Variants in SDHC observed in about 807,000 individuals in gnomAD.
The protein encoded by SDHC is succinate dehydrogenase cytochrome b560 subunit, mitochondrial.
A neutral mutation model predicts 22.6 loss-of-function variants in SDHC; 11 were observed. That is an observed-to-expected ratio of 0.49 (90% CI 0.31 to 0.81). The LOEUF (loss-of-function observed/expected upper bound fraction) is 0.81. Among genes scored for constraint, SDHC ranks in the 30% least tolerant of loss-of-function variants. The probability of loss-of-function intolerance (pLI) is 0.05; values close to 1 mark genes in which losing one functional copy is unlikely to be tolerated. For missense variants in SDHC, 160 were observed against 212.0 expected (o/e 0.75, Z 1.52); for synonymous variants, 80 against 77.8 (o/e 1.03, Z -0.15).
At chr1:161,360,004 A>G (rs892558985) in intron 5 of SDHC, among the ~76,000 whole-genome samples, 2 of 150,566 alleles carry the variant, frequency 1.3e-5, no homozygotes, top group Admixed American at 6.6e-5. Context: ...TTGAGGGTTG[A>G]GGTGGAGGCA....
At chr1:161,339,358 T>C (rs1223153150) in intron 3 of SDHC, among the ~76,000 whole-genome samples, 1 of 150,928 alleles carries the variant, frequency 6.6e-6, no homozygotes, top group African/African-American at 2.4e-5. Flanking sequence ...AATTTTTTTT[T>C]TTTTTTTCGT....
intron 2 of SDHC, among the ~76,000 whole-genome samples, 158 bp downstream of exon 2, chr1:161,323,828 T>C (rs979590340): frequency 6.6e-6 from 1 of 152,106 alleles, no homozygotes; most frequent in Non-Finnish European, 1.5e-5. Flanking sequence ...CCTGAGTAGC[T>C]GGGACTACAG....
chr1:161,347,798 G>A (rs1030345756), intron 4 of SDHC, among the ~76,000 whole-genome samples: 8 of 151,914 alleles, frequency 5.3e-5, no homozygotes, highest in South Asian at 2.1e-4. Context: ...CCCAGGAGGC[G>A]GAGGTTGCAG....
chr1:161,316,658 T>C (rs1465901010), intron 1 of SDHC, among the ~76,000 whole-genome samples: 1 of 152,222 alleles, frequency 6.6e-6, no homozygotes, highest in Admixed American at 6.5e-5. Context: ...AGTGGTAATC[T>C]GAAGCTCTCG....
chr1:161,325,517 A>G (rs1671018589), intron 2 of SDHC, among the ~76,000 whole-genome samples: 1 of 152,036 alleles, frequency 6.6e-6, no homozygotes, highest in Non-Finnish European at 1.5e-5. Context: ...CCTTCTCTAC[A>G]AAAAATACAA....
intron 1 of SDHC, among the ~76,000 whole-genome samples, chr1:161,316,680 C>T (rs961457182): frequency 1.3e-5 from 2 of 152,100 alleles, no homozygotes; most frequent in African/African-American, 4.8e-5. Flanking sequence ...GGAAAGGACA[C>T]CTCCATTTCT....
chr1:161,340,728 C>G, intron 4 of SDHC, 73 bp downstream of exon 4: 3 of 1,162,146 alleles, frequency 2.6e-6, no homozygotes, highest in Non-Finnish European at 3.9e-6. Context: ...GCCCTAGTCT[C>G]CGCCTCCTTT....
At chr1:161,316,566 G>A (rs1330595214) in intron 1 of SDHC, among the ~76,000 whole-genome samples, 1 of 152,146 alleles carries the variant, frequency 6.6e-6, no homozygotes, top group Non-Finnish European at 1.5e-5. Flanking sequence ...TTTCTATACG[G>A]ACACCTTAAC....
intron 3 of SDHC, among the ~76,000 whole-genome samples, chr1:161,333,232 A>G (rs1390623598): frequency 1.3e-5 from 2 of 152,078 alleles, no homozygotes; most frequent in African/African-American, 4.8e-5. Flanking sequence ...TTATTTACCC[A>G]TTTATAAATT....
chr1:161,349,136 A>G (rs1672011535), intron 4 of SDHC, among the ~76,000 whole-genome samples: 1 of 152,188 alleles, frequency 6.6e-6, no homozygotes. Context: ...TTGAATGGAT[A>G]TAAGAATGGT....
At chr1:161,328,671 T>A (rs918983325) in intron 3 of SDHC, among the ~76,000 whole-genome samples, 174 bp downstream of exon 3, 2 of 152,220 alleles carry the variant, frequency 1.3e-5, no homozygotes, top group Non-Finnish European at 2.9e-5. Flanking sequence ...CTTACACCTT[T>A]TTTATGTGGA....
chr1:161,328,256 C>T lies in SDHC; in HGVS notation c.78-140C>T, dbSNP rs1671138409. Reference sequence around the variant, plus strand: ...ACCTCAGGTGATCCGCCCGCCTCGGCCTCCCAAAGAGCTGAGATTACAGGC... The same window carrying T: ...ACCTCAGGTGATCCGCCCGCCTCGGTCTCCCAAAGAGCTGAGATTACAGGC... On this transcript the variant is annotated intron_variant, in intron 2 of 5. Transcript: ENST00000367975. 4 of 714,960 alleles carry T rather than the reference C, an allele frequency of 5.6e-6. No homozygotes were observed. In the South Asian group the frequency reaches 5.8e-5, roughly 10 times the overall value. 44.3% of individuals were successfully genotyped at this position (714,960 alleles called of 1,614,324 possible).
At chr1:161,324,849 T>C (rs979460901) in intron 2 of SDHC, among the ~76,000 whole-genome samples, 2 of 152,228 alleles carry the variant, frequency 1.3e-5, no homozygotes, top group Non-Finnish European at 2.9e-5. Flanking sequence ...TGATGAACTC[T>C]TATCTGATAC....
intron 1 of SDHC, among the ~76,000 whole-genome samples, chr1:161,318,118 G>A (rs145887035): frequency 0.019 from 2,833 of 151,828 alleles, 98 homozygotes; most frequent in African/African-American, 0.065. Context: ...GTTGCAGTGA[G>A]CTGAGATCAT....
At chr1:161,354,333 T>C (rs1188647208) in intron 4 of SDHC, among the ~76,000 whole-genome samples, 1 of 152,198 alleles carries the variant, frequency 6.6e-6, no homozygotes, top group Non-Finnish European at 1.5e-5. Context: ...AAATCTAACA[T>C]CTAATGTTGA....
intron 3 of SDHC, among the ~76,000 whole-genome samples, chr1:161,329,172 C>G (rs749927684): frequency 6.6e-6 from 1 of 152,108 alleles, no homozygotes; most frequent in Non-Finnish European, 1.5e-5. Flanking sequence ...TCCCAAAGTG[C>G]TGGGATTACA....
intron 4 of SDHC, among the ~76,000 whole-genome samples, chr1:161,342,140 C>T (rs1056026345): frequency 6.6e-6 from 1 of 152,150 alleles, no homozygotes; most frequent in African/African-American, 2.4e-5. Context: ...ACTAGTTTAG[C>T]TGAAAGCTAT....
Position 161,327,187 on chromosome 1 carries a change from C to T in SDHC, c.78-1209C>T, listed in dbSNP as rs1346651985. ...CAAGCCGTCTGCCCACCTTAGCCTC[C>T]CAAAGTGCCGGGATTATAGGCGTGA... On this transcript the variant is annotated intron_variant, in intron 2 of 5. Transcript: ENST00000367975. Among the ~76,000 whole-genome samples, 4 of 152,216 alleles carry T rather than the reference C, an allele frequency of 2.6e-5. No homozygotes were observed. The East Asian group carries it at 7.7e-4, about 29-fold the overall frequency.
chr1:161,318,733 A>G (rs1477783688), intron 1 of SDHC, among the ~76,000 whole-genome samples: 1 of 152,064 alleles, frequency 6.6e-6, no homozygotes, highest in Non-Finnish European at 1.5e-5. Context: ...AGACATTATT[A>G]TAGGTACTGT....
Sources: gnomAD v4.1 joint callset for allele counts (sites outside exome capture counted in the v4.1 genomes callset) on GRCh38, gnomAD v4.1.1 for gene constraint, MANE v1.5 for transcripts, NCBI Gene and HGNC (gene_info 2026-07-23, HGNC 2026-07-21) for gene names.